AFF3: variants seen among roughly 807,000 people sequenced by gnomAD.
The protein encoded by AFF3 is AF4/FMR2 family member 3.
A neutral mutation model predicts 129.7 loss-of-function variants in AFF3; 32 were observed. That is an observed-to-expected ratio of 0.25 (90% CI 0.19 to 0.33). The LOEUF (loss-of-function observed/expected upper bound fraction) is 0.33. Among genes scored for constraint, AFF3 ranks in the 10% least tolerant of loss-of-function variants. AFF3 has a pLI of 1.00. For synonymous variants in AFF3, 644 were observed against 635.4 expected, an observed-to-expected ratio of 1.01 and a Z score of -0.20; for missense variants, 1,373 against 1,592.0, an observed-to-expected ratio of 0.86 and a Z score of 2.34.
intron 7 of AFF3, among the ~76,000 whole-genome samples, chr2:99,880,437 A>G (rs1307898412): frequency 6.6e-6 from 1 of 152,258 alleles, no homozygotes; most frequent in East Asian, 1.9e-4. Flanking sequence ...CCTTTTATAA[A>G]ACCTCTAGGA....
At chr2:99,804,553 T>C (rs977660717) in intron 8 of AFF3, among the ~76,000 whole-genome samples, 1 of 152,110 alleles carries the variant, frequency 6.6e-6, no homozygotes, top group African/African-American at 2.4e-5. Flanking sequence ...TAAAAGTAGA[T>C]CAACTGTTCA....
At chr2:99,687,262 A>G (rs531548281) in intron 11 of AFF3, among the ~76,000 whole-genome samples, 91 of 152,376 alleles carry the variant, frequency 6.0e-4, no homozygotes, top group African/African-American at 2.2e-3. Flanking sequence ...GCCATTTTTA[A>G]TAGTAAATAG....
chr2:100,030,872 T>G (rs1229730984), intron 4 of AFF3, among the ~76,000 whole-genome samples: 11 of 152,132 alleles, frequency 7.2e-5, no homozygotes, highest in Admixed American at 7.2e-4. Context: ...ACAGGAGATT[T>G]TTTAGGGCAG....
chr2:100,072,280 T>G (rs531685198), intron 4 of AFF3, among the ~76,000 whole-genome samples: 13 of 152,292 alleles, frequency 8.5e-5, no homozygotes, highest in African/African-American at 3.1e-4. Context: ...TATTGTGAAC[T>G]GTGCATGCGA....
At chr2:99,638,430 C>T (rs901209354) in intron 13 of AFF3, among the ~76,000 whole-genome samples, 7 of 140,754 alleles carry the variant, frequency 5.0e-5, no homozygotes, top group African/African-American at 1.6e-4. Context: ...CAGACTGCAG[C>T]GAGGCTGGGG....
chr2:99,970,220 G>A (rs1379854271), intron 7 of AFF3, among the ~76,000 whole-genome samples: 1 of 152,114 alleles, frequency 6.6e-6, no homozygotes, highest in African/African-American at 2.4e-5. Flanking sequence ...CCGTCCTGAA[G>A]GGAGAGGTGT....
At chr2:100,061,699 G>C (rs765532968) in intron 4 of AFF3, among the ~76,000 whole-genome samples, 1 of 152,146 alleles carries the variant, frequency 6.6e-6, no homozygotes, top group Non-Finnish European at 1.5e-5. Flanking sequence ...GCTTTTCAAA[G>C]TTAATGTGTC....
At chr2:99,788,227 C>T (rs1386199898) in intron 8 of AFF3, among the ~76,000 whole-genome samples, 1 of 152,112 alleles carries the variant, frequency 6.6e-6, no homozygotes, top group Non-Finnish European at 1.5e-5. Context: ...TTAGAGTGCA[C>T]TCCTTCTACT....
intron 11 of AFF3, among the ~76,000 whole-genome samples, chr2:99,706,444 C>A (rs910750993): frequency 6.6e-6 from 1 of 152,218 alleles, no homozygotes; most frequent in African/African-American, 2.4e-5. Flanking sequence ...GGCTTCTCAG[C>A]GGATTTCTCC....
chr2:99,844,185 C>A (rs920081306), intron 7 of AFF3, among the ~76,000 whole-genome samples: 3 of 152,126 alleles, frequency 2.0e-5, no homozygotes, highest in Admixed American at 1.3e-4. Context: ...AAAGCCAAAT[C>A]AATGTACGAA....
intron 13 of AFF3, among the ~76,000 whole-genome samples, chr2:99,606,259 TA>T (rs555940489): frequency 0.011 from 1,715 of 151,978 alleles, 20 homozygotes; most frequent in Admixed American, 0.021. Flanking sequence ...CAAGGCCCTG[TA>T]AAAAAAATAT....
At chr2:99,827,776 A>G (rs1353491030) in intron 8 of AFF3, among the ~76,000 whole-genome samples, 1 of 151,972 alleles carries the variant, frequency 6.6e-6, no homozygotes. Context: ...CAGAGGTTAG[A>G]AGAGGGCAGA....
intron 15 of AFF3, among the ~76,000 whole-genome samples, chr2:99,592,410 C>T (rs1022852955): frequency 6.6e-6 from 1 of 152,148 alleles, no homozygotes; most frequent in Admixed American, 6.5e-5. Context: ...CAGGGTCTGC[C>T]GTATTCATTT....
rs1675768190 is a variant in AFF3 at position 99,564,317 on chromosome 2, A to T, written c.3119+1170T>A. Among the ~76,000 whole-genome samples the T allele has an allele frequency of 2.6e-5, 4 of 151,660 alleles. No homozygotes were observed. In the South Asian group the frequency reaches 8.4e-4, roughly 32 times the overall value. ...CTTTCCTCCCTGCCTGCCTATGAACATCTCAGGCTGGGCCTTGTTCTGAGG... is the reference window on the plus strand; with the variant it reads ...CTTTCCTCCCTGCCTGCCTATGAACTTCTCAGGCTGGGCCTTGTTCTGAGG... On this transcript the variant is annotated intron_variant, in intron 20 of 24. Coordinates refer to ENST00000672756, the MANE Select transcript of AFF3 (RefSeq NM_001386135.1).
chr2:99,627,027 T>C (rs1682648526), intron 13 of AFF3, among the ~76,000 whole-genome samples: 1 of 152,220 alleles, frequency 6.6e-6, no homozygotes, highest in Non-Finnish European at 1.5e-5. Flanking sequence ...CTATTGTGAA[T>C]AGTGCTGCAA....
chr2:99,755,815 G>A (rs955182199), intron 8 of AFF3, among the ~76,000 whole-genome samples: 2 of 152,060 alleles, frequency 1.3e-5, no homozygotes, highest in African/African-American at 2.4e-5. Context: ...GGTAAAAATC[G>A]GCATATCAAA....
intron 11 of AFF3, among the ~76,000 whole-genome samples, chr2:99,705,402 A>C (rs1416561709): frequency 6.6e-6 from 1 of 152,082 alleles, no homozygotes; most frequent in African/African-American, 2.4e-5. Flanking sequence ...GGGGGAGAGA[A>C]AGAATGAGGT....
At chr2:99,902,785 T>C (rs529004505) in intron 7 of AFF3, among the ~76,000 whole-genome samples, 1 of 152,154 alleles carries the variant, frequency 6.6e-6, no homozygotes, top group East Asian at 1.9e-4. Context: ...GTGGATCACA[T>C]TACACACTGC....
intron 7 of AFF3, among the ~76,000 whole-genome samples, chr2:99,912,563 A>G (rs970563244): frequency 3.3e-5 from 5 of 152,164 alleles, no homozygotes; most frequent in Non-Finnish European, 7.4e-5. Flanking sequence ...CCTATTTTTA[A>G]CCCCAATAAA....
Sources: gnomAD v4.1 joint callset for allele counts (sites outside exome capture counted in the v4.1 genomes callset) on GRCh38, gnomAD v4.1.1 for gene constraint, MANE v1.5 for transcripts, NCBI Gene and HGNC (gene_info 2026-07-23, HGNC 2026-07-21) for gene names.